GRAMD4: variants seen among roughly 807,000 people sequenced by gnomAD.
The protein encoded by GRAMD4 is GRAM domain-containing protein 4.
Under a neutral mutation model 83.9 loss-of-function variants are expected in GRAMD4, and 25 were observed. That is an observed-to-expected ratio of 0.30 (90% CI 0.22 to 0.42). GRAMD4 has a LOEUF of 0.42. GRAMD4 is among the 10% of genes least tolerant of loss of function. GRAMD4 has a pLI of 1.00. For missense variants in GRAMD4, 593 were observed against 788.7 expected (o/e 0.75, Z 2.97); for synonymous variants, 336 against 320.9 (o/e 1.05, Z -0.50).
Position 46,661,371 on chromosome 22 carries a change from G to A in GRAMD4, c.405-10G>A. On this transcript the variant is annotated splice_polypyrimidine_tract_variant and intron_variant, in intron 4 of 18. Coordinates refer to ENST00000406902, the MANE Select transcript of GRAMD4 (RefSeq NM_015124.5). ...CAGACCTCTTGTCTCTTCTCTCCCT[G>A]CTTTTTAAGAACCGAGGAGCAGATG... The A allele has an allele frequency of 6.2e-7, 1 of 1,611,488 alleles. No individual in the cohort carries two copies. The highest frequency in any genetic ancestry group is 8.5e-7 in the Non-Finnish European group (1 of 1,178,622).
At chr22:46,655,303 A>C (rs566185684) in intron 3 of GRAMD4, among the ~76,000 whole-genome samples, 11 of 152,260 alleles carry the variant, frequency 7.2e-5, no homozygotes, top group East Asian at 5.8e-4. Flanking sequence ...GGGAGCTTCA[A>C]GCTGGGAAGT....
chr22:46,624,786 C>G (rs2081629539), intron 1 of GRAMD4, among the ~76,000 whole-genome samples: 1 of 152,198 alleles, frequency 6.6e-6, no homozygotes, highest in African/African-American at 2.4e-5. Context: ...ACATCCCCCT[C>G]CTGGGGTCCT....
At chr22:46,658,356 C>T in intron 4 of GRAMD4, 49 bp downstream of exon 4, 1 of 1,497,986 alleles carries the variant, frequency 6.7e-7, no homozygotes, top group Non-Finnish European at 9.0e-7. Flanking sequence ...TGCCCCAACC[C>T]CCCACCCCAC....
chr22:46,582,079 G>T (rs570894972), intron 1 of GRAMD4, among the ~76,000 whole-genome samples: 34 of 152,176 alleles, frequency 2.2e-4, no homozygotes, highest in Non-Finnish European at 4.0e-4. Flanking sequence ...GGGCTGGGTG[G>T]GGCTGGGTGT....
At chr22:46,682,667 C>T (rs535296239), downstream of GRAMD4, among the ~76,000 whole-genome samples, 6 of 152,358 alleles carry the variant, frequency 3.9e-5, no homozygotes, top group South Asian at 4.1e-4. Context: ...GCCTTTATCG[C>T]GAACACCCCC....
At chr22:46,625,159 G>A (rs956207290) in intron 1 of GRAMD4, among the ~76,000 whole-genome samples, 9 of 152,128 alleles carry the variant, frequency 5.9e-5, no homozygotes, top group Non-Finnish European at 7.4e-5. Flanking sequence ...CGCGCCCAGC[G>A]TCCTGTGGGT....
chr22:46,609,869 G>C (rs2081400813), intron 1 of GRAMD4, among the ~76,000 whole-genome samples: 1 of 152,224 alleles, frequency 6.6e-6, no homozygotes, highest in Admixed American at 6.5e-5. Flanking sequence ...GCGCCTCTCT[G>C]AAACCTGAGG....
At chr22:46,617,013 T>TA (rs2081510550), upstream of GRAMD4, among the ~76,000 whole-genome samples, 2 of 36,964 alleles carry the variant, frequency 5.4e-5, no homozygotes, top group Admixed American at 6.0e-4. Context: ...CCTGTGCGTG[T>TA]GGGTTCCCCC....
intron 1 of GRAMD4, among the ~76,000 whole-genome samples, chr22:46,609,213 G>T (rs909556947): frequency 6.6e-6 from 1 of 152,152 alleles, no homozygotes; most frequent in African/African-American, 2.4e-5. Flanking sequence ...GAGTGGCGCT[G>T]GTTGCTGTCT....
intron 2 of GRAMD4, among the ~76,000 whole-genome samples, chr22:46,631,989 C>G (rs1348538773): frequency 2.0e-5 from 3 of 152,014 alleles, no homozygotes; most frequent in African/African-American, 7.3e-5. Flanking sequence ...TCCTGGGGAC[C>G]GGGGATGGGT....
chr22:46,646,186 G>T (rs574230404), intron 3 of GRAMD4, among the ~76,000 whole-genome samples: 6 of 152,338 alleles, frequency 3.9e-5, no homozygotes, highest in South Asian at 2.1e-4. Flanking sequence ...CTGGGCATGG[G>T]TACCCTCGTA....
intron 8 of GRAMD4, 32 bp from the exon 9 acceptor site, chr22:46,665,583 A>G (rs2082395993): frequency 2.5e-6 from 3 of 1,215,420 alleles, no homozygotes; most frequent in Admixed American, 1.7e-5. Context: ...CCAAGCTGTC[A>G]GGAGGTCTGA....
chr22:46,609,965 G>GGC (rs890475537), intron 1 of GRAMD4, among the ~76,000 whole-genome samples: 1 of 152,208 alleles, frequency 6.6e-6, no homozygotes, highest in African/African-American at 2.4e-5. Context: ...CCCTGAGTGT[G>GGC]GCGCCCTCCT....
chr22:46,614,275 C>T (rs1218262576), intron 1 of GRAMD4, among the ~76,000 whole-genome samples: 1 of 152,130 alleles, frequency 6.6e-6, no homozygotes, highest in Non-Finnish European at 1.5e-5. Context: ...GCACCAAGGG[C>T]GGGGCGCTGC....
At chr22:46,670,438 A>G (rs1206449140) in intron 13 of GRAMD4, among the ~76,000 whole-genome samples, 1 of 152,134 alleles carries the variant, frequency 6.6e-6, no homozygotes, top group Admixed American at 6.5e-5. Context: ...AGGCTCATGA[A>G]TGGGTAGGTG....
At chr22:46,626,173 A>C (rs1311375276) in intron 1 of GRAMD4, among the ~76,000 whole-genome samples, 1 of 151,986 alleles carries the variant, frequency 6.6e-6, no homozygotes, top group Non-Finnish European at 1.5e-5. Flanking sequence ...ACACAAGGCC[A>C]GGTCCCCTAG....
At position 46,620,458 on chromosome 22, in the gene GRAMD4, C is replaced by T; in HGVS notation, c.-157C>T. On this transcript the variant is annotated 5_prime_UTR_variant, in exon 1 of 19. Transcript: ENST00000406902. This position sits in a 1 kb window ranked among gnomAD's most constrained non-coding sequence, Gnocchi z 4.7. ...CTCCGTGCCTGCTGGTGTTGGGCGG[C>T]TTGGAGGCTATGGTTCCTGGGTCCT... is the stretch of plus-strand genomic sequence containing the variant. The T allele has an allele frequency of 4.1e-6, 4 of 985,162 alleles. No individual in the cohort carries two copies. The highest frequency in any genetic ancestry group is 5.2e-4 in the Middle Eastern group (1 of 1,920). The allele number at this position is 985,162 out of a possible 1,614,324, so 61.0% of individuals were successfully genotyped here. A position where few individuals can be genotyped will look rare whatever the true frequency, so the allele number is the denominator to read the frequency against.
intron 3 of GRAMD4, among the ~76,000 whole-genome samples, chr22:46,644,148 TAC>T (rs1313380830): frequency 6.6e-6 from 1 of 152,274 alleles, no homozygotes; most frequent in Non-Finnish European, 1.5e-5. Flanking sequence ...TCCAAGATGG[TAC>T]ACAGAGATAA....
Position 46,580,552 on chromosome 22 carries a change from G to A in GRAMD4, c.-50+3262G>A, listed in dbSNP as rs867544146. Reference sequence around the variant, plus strand: ...ACAGGCCTAACCCAGCCCAGCGGGTGGGGCCCAGGCCAGCCTGTCACCTGC... The same window carrying A: ...ACAGGCCTAACCCAGCCCAGCGGGTAGGGCCCAGGCCAGCCTGTCACCTGC... On this transcript the variant is annotated intron_variant, in intron 1 of 1. Transcript: ENST00000431155. Among the ~76,000 whole-genome samples, 29 of 152,376 alleles carry A rather than the reference G, an allele frequency of 1.9e-4. No individual in the cohort carries two copies. The Middle Eastern group carries it at 0.01, about 54-fold the overall frequency.
Sources: allele counts gnomAD v4.1 joint callset (sites outside exome capture counted in the v4.1 genomes callset), GRCh38; gene constraint gnomAD v4.1.1; non-coding constraint Gnocchi (gnomAD v3.1); transcripts MANE v1.5; gene names NCBI Gene and HGNC (gene_info 2026-07-23, HGNC 2026-07-21).